Variants in SPRR2F observed in about 807,000 individuals in gnomAD.
The protein encoded by SPRR2F is small proline-rich protein 2F.
A neutral mutation model predicts 0.8 loss-of-function variants in SPRR2F; 2 were observed. The ratio of observed to expected loss-of-function variants is 2.52; its 90% CI spans 1.03 to 7.95. The LOEUF is 7.95. SPRR2F is among the 30% of genes most tolerant of loss of function. The pLI is 0.04. For missense variants in SPRR2F, 80 were observed against 85.8 expected (o/e 0.93, Z 0.27); for synonymous variants, 39 against 33.4 (o/e 1.17, Z -0.58).
Position 153,112,139 on chromosome 1 carries a change from A to G in SPRR2F, c.*376T>C. 3.1e-6 allele frequency: 1 copy of G among 326,392 alleles called. No individual in the cohort carries two copies. Among genetic ancestry groups the G allele is most frequent in the Non-Finnish European group, 5.6e-6 (1 of 179,080 alleles). The allele number at this position is 326,392 out of a possible 1,614,324, so 20.2% of individuals were successfully genotyped here. ...ACAAATATATATGCATAGATTCTTT[A>G]TTCAGGGAGTGAAAGGAAAGTGACA... On this transcript the variant is annotated 3_prime_UTR_variant, in exon 2 of 2. Coordinates refer to ENST00000468739, the MANE Select transcript of SPRR2F (RefSeq NM_001014450.3).
upstream of SPRR2F, among the ~76,000 whole-genome samples, chr1:153,114,780 A>G (rs889221981): frequency 1.3e-5 from 2 of 152,104 alleles, no homozygotes; most frequent in African/African-American, 4.8e-5. Context: ...TGTTCACTCA[A>G]CATATATATT....
upstream of SPRR2F, among the ~76,000 whole-genome samples, chr1:153,114,022 TG>T (rs66599729): frequency 0.27 from 22,570 of 82,558 alleles, 5,484 homozygotes; most frequent in Non-Finnish European, 0.36. Flanking sequence ...TTTTTTTTTT[TG>T]TTGCTAAGTT....
upstream of SPRR2F, among the ~76,000 whole-genome samples, chr1:153,114,950 G>T (rs1655693162): frequency 6.6e-6 from 1 of 152,142 alleles, no homozygotes; most frequent in Non-Finnish European, 1.5e-5. Context: ...TTTATAGTTG[G>T]AGAAGAAGAA....
At chr1:153,114,750 C>T (rs1283511992), upstream of SPRR2F, among the ~76,000 whole-genome samples, 1 of 152,194 alleles carries the variant, frequency 6.6e-6, no homozygotes, top group Non-Finnish European at 1.5e-5. Context: ...CACCTCTCAT[C>T]TATTCATTTT....
intron 1 of SPRR2F, 150 bp from the exon 2 acceptor site, chr1:153,112,902 A>G: frequency 6.0e-6 from 8 of 1,329,560 alleles, no homozygotes; most frequent in Non-Finnish European, 5.0e-6. Flanking sequence ...CTGGCTTCTC[A>G]CTTCCACTTC....
At chr1:153,116,075 T>C (rs548122669), upstream of SPRR2F, among the ~76,000 whole-genome samples, 3 of 152,306 alleles carry the variant, frequency 2.0e-5, no homozygotes, top group African/African-American at 7.2e-5. Context: ...TGGGAAGATT[T>C]TCCTAGCCTT....
upstream of SPRR2F, among the ~76,000 whole-genome samples, chr1:153,115,702 A>T (rs547963544): frequency 2.0e-5 from 3 of 152,036 alleles, no homozygotes; most frequent in South Asian, 6.2e-4. Flanking sequence ...CATACCCACC[A>T]TGGGTGTGTG....
chr1:153,118,789 G>A, the SPRR2F span, among the ~76,000 whole-genome samples: 1 of 152,114 alleles, frequency 6.6e-6, no homozygotes, highest in African/African-American at 2.4e-5. Flanking sequence ...AAGGTCTCTG[G>A]TAAAAGTACA....
At chr1:153,116,892 C>A (rs1328579388), upstream of SPRR2F, among the ~76,000 whole-genome samples, 5 of 151,768 alleles carry the variant, frequency 3.3e-5, no homozygotes, top group African/African-American at 1.2e-4. Flanking sequence ...GGATAAAAGA[C>A]CAAGTGATAA....
upstream of SPRR2F, among the ~76,000 whole-genome samples, chr1:153,118,092 C>T (rs1317145552): frequency 6.6e-6 from 1 of 151,958 alleles, no homozygotes; most frequent in East Asian, 1.9e-4. Flanking sequence ...CAAAAAATAA[C>T]CTGGATTCAA....
Position 153,112,544 on chromosome 1 carries a change from G to A in SPRR2F, c.190C>T (p.Gln64Ter). The A allele has an allele frequency of 1.2e-6, 2 of 1,612,930 alleles. No homozygotes were observed. Among genetic ancestry groups the A allele is most frequent in the Non-Finnish European group, 1.7e-6 (2 of 1,179,796 alleles). ...CPPVTPSPPC[Q>*]PKCPPKSK The stretch of plus-strand genomic sequence containing the variant: ...TTGCTCTTGGGTGGACACTTTGGCT[G>A]GCAGGGTGGGGAAGGTGTCACAGGA... The change falls in exon 2 of 2, where the codon CAG (glutamine) becomes TAG (stop). Residue 64 changes from glutamine to a stop codon, truncating the protein, a stop_gained. Transcript: ENST00000468739. LOFTEE classifies it high-confidence loss of function.
At chr1:153,112,915 C>G (rs111226851) in intron 1 of SPRR2F, among the ~76,000 whole-genome samples, 163 bp from the exon 2 acceptor site, 1 of 152,240 alleles carries the variant, frequency 6.6e-6, no homozygotes, top group Admixed American at 6.5e-5. Context: ...TCCACTTCAG[C>G]GAATTACTTC....
At chr1:153,118,931 G>T in the SPRR2F span, among the ~76,000 whole-genome samples, 1 of 152,158 alleles carries the variant, frequency 6.6e-6, no homozygotes, top group Non-Finnish European at 1.5e-5. Context: ...CACGTAGAAA[G>T]ATGTAATTGG....
At chr1:153,113,803 T>C (rs1242118489), upstream of SPRR2F, among the ~76,000 whole-genome samples, 1 of 152,034 alleles carries the variant, frequency 6.6e-6, no homozygotes, top group Non-Finnish European at 1.5e-5. Context: ...GCTCTCTTTT[T>C]TGACTGGGGG....
At chr1:153,117,953 A>C (rs1655749859), upstream of SPRR2F, among the ~76,000 whole-genome samples, 1 of 152,114 alleles carries the variant, frequency 6.6e-6, no homozygotes. Flanking sequence ...AGTTAAAGAG[A>C]AGTTAAATAA....
upstream of SPRR2F, among the ~76,000 whole-genome samples, chr1:153,117,010 A>G (rs1413438775): frequency 1.3e-5 from 2 of 152,140 alleles, no homozygotes; most frequent in Admixed American, 6.5e-5. Flanking sequence ...GATAGTACTC[A>G]TAATAGTAAT....
At chr1:153,119,035 CTG>C in the SPRR2F span, among the ~76,000 whole-genome samples, 1 of 152,124 alleles carries the variant, frequency 6.6e-6, no homozygotes, top group Non-Finnish European at 1.5e-5. Flanking sequence ...AACTAGATAA[CTG>C]TAACTTTAGG....
upstream of SPRR2F, among the ~76,000 whole-genome samples, chr1:153,114,473 G>A (rs967729881): frequency 1.3e-5 from 2 of 152,122 alleles, no homozygotes; most frequent in African/African-American, 2.4e-5. Context: ...CCACCCTATA[G>A]AGCACAATCT....
At position 153,112,632 on chromosome 1, in the gene SPRR2F, C is replaced by T; in HGVS notation, c.102G>A (p.Glu34=). Residue 34 remains glutamate, a synonymous_variant, in exon 2 of 2, where the codon GAG becomes GAA. Coordinates refer to ENST00000468739, the MANE Select transcript of SPRR2F (RefSeq NM_001014450.3). ...GTGGACACTTTGATGGTGGGCAGGG[C>T]TCAGGGCACTTCGGGGGTGGACATG... ...PEPCPPPKCP[E]PCPPSKCPQS... 6.2e-7 allele frequency: 1 copy of T among 1,612,632 alleles called. No individual in the cohort carries two copies.
Sources: gnomAD v4.1 joint callset for allele counts (sites outside exome capture counted in the v4.1 genomes callset) on GRCh38, gnomAD v4.1.1 for gene constraint, MANE v1.5 for transcripts, NCBI Gene and HGNC (gene_info 2026-07-23, HGNC 2026-07-21) for gene names.